Variants in TLN2 observed in about 807,000 individuals in gnomAD.
The protein encoded by TLN2 is talin 2, also known as talin-2.
TLN2 carries 118 observed loss-of-function variants against 294.7 expected under a neutral mutation model. The observed-to-expected ratio is 0.40, with a 90% CI of 0.34 to 0.47. The LOEUF (loss-of-function observed/expected upper bound fraction) is 0.47, where lower values mean the gene tolerates loss of function less well. TLN2 is among the 20% of genes least tolerant of loss of function. The pLI, the probability that TLN2 is intolerant of heterozygous loss-of-function variation, is 0.84. For missense variants in TLN2, 3,083 were observed against 3,282.2 expected (o/e 0.94, Z 1.48); for synonymous variants, 1,431 against 1,304.5 (o/e 1.10, Z -2.09).
At chr15:62,799,059 A>G (rs757101307) in intron 48 of TLN2, among the ~76,000 whole-genome samples, 2 of 152,188 alleles carry the variant, frequency 1.3e-5, no homozygotes, top group Non-Finnish European at 2.9e-5. Flanking sequence ...GTTTATCTTC[A>G]AAGCAATTTA....
At chr15:62,779,747 A>G (rs1164905227) in intron 43 of TLN2, among the ~76,000 whole-genome samples, 2 of 152,248 alleles carry the variant, frequency 1.3e-5, no homozygotes, top group Non-Finnish European at 2.9e-5. Flanking sequence ...TTTGACTAGC[A>G]GGGCCCCCGT....
intron 11 of TLN2, among the ~76,000 whole-genome samples, chr15:62,679,154 A>AC (rs1935494754): frequency 6.6e-6 from 1 of 151,974 alleles, no homozygotes; most frequent in Admixed American, 6.6e-5. Context: ...AAAAATTGGA[A>AC]CCCCCATAAC....
chr15:62,442,568 T>C (rs941565134), intron 1 of TLN2, among the ~76,000 whole-genome samples: 2 of 151,434 alleles, frequency 1.3e-5, no homozygotes, highest in East Asian at 3.9e-4. Context: ...GGAAACTGCT[T>C]GGTTGCTGTG....
chr15:62,763,011 G>A (rs1016989080), intron 39 of TLN2, among the ~76,000 whole-genome samples: 1 of 152,148 alleles, frequency 6.6e-6, no homozygotes, highest in Admixed American at 6.5e-5. Context: ...TAAATACCTC[G>A]CAGCATGAAA....
chr15:62,579,938 G>A (rs1342201884), intron 1 of TLN2, among the ~76,000 whole-genome samples: 2 of 152,188 alleles, frequency 1.3e-5, no homozygotes, highest in Non-Finnish European at 2.9e-5. Context: ...AGCCTTGTGT[G>A]TGCAGCACCT....
chr15:62,817,355 A>G (rs2067195133), intron 52 of TLN2, among the ~76,000 whole-genome samples: 1 of 152,212 alleles, frequency 6.6e-6, no homozygotes, highest in African/African-American at 2.4e-5. Context: ...AGTTCTTAAT[A>G]TCTGCAGAAT....
At chr15:62,477,855 G>T (rs1366502368) in intron 1 of TLN2, among the ~76,000 whole-genome samples, 1 of 137,306 alleles carries the variant, frequency 7.3e-6, no homozygotes, top group Non-Finnish European at 1.6e-5. Flanking sequence ...GCAGCAACTT[G>T]GCCCAAGGGT....
rs544289375 is a variant in TLN2 at position 62,785,930 on chromosome 15, A to G, written c.5736+2040A>G. Among the ~76,000 whole-genome samples, 5 of 152,356 alleles carry G rather than the reference A, an allele frequency of 3.3e-5. No homozygotes were observed. The South Asian group carries it at 1.0e-3, about 32-fold the overall frequency. On this transcript the variant is annotated intron_variant, in intron 45 of 58. Coordinates refer to ENST00000636159, the MANE Select transcript of TLN2 (RefSeq NM_015059.3). The stretch of plus-strand genomic sequence containing the variant: ...AAGAGAATGTGTTGCTAAAAGCACA[A>G]CAACAGGTTACTTTGGTTATTGGCC...
intron 1 of TLN2, among the ~76,000 whole-genome samples, chr15:62,572,392 C>T (rs1386831781): frequency 6.6e-6 from 1 of 152,130 alleles, no homozygotes; most frequent in Non-Finnish European, 1.5e-5. Flanking sequence ...AGCTGTGTGC[C>T]ACCACACCCA....
intron 1 of TLN2, among the ~76,000 whole-genome samples, chr15:62,540,676 G>A (rs1423284905): frequency 6.6e-6 from 1 of 152,114 alleles, no homozygotes; most frequent in Non-Finnish European, 1.5e-5. Context: ...AGTGGTGAGG[G>A]ACTTGAGAGA....
At chr15:62,733,358 A>G (rs571975069) in intron 28 of TLN2, among the ~76,000 whole-genome samples, 1 of 152,294 alleles carries the variant, frequency 6.6e-6, no homozygotes, top group South Asian at 2.1e-4. Context: ...GCAAGGAAAG[A>G]GAGAGCGTGT....
intron 19 of TLN2, among the ~76,000 whole-genome samples, chr15:62,704,008 T>C (rs2058898638): frequency 6.6e-6 from 1 of 152,240 alleles, no homozygotes; most frequent in Admixed American, 6.5e-5. Flanking sequence ...AATATATAAA[T>C]ATATCCTAAT....
chr15:62,512,834 A>G (rs1010850017), intron 1 of TLN2, among the ~76,000 whole-genome samples: 4 of 152,210 alleles, frequency 2.6e-5, no homozygotes, highest in African/African-American at 9.7e-5. Context: ...TGTTTTGGGC[A>G]TCTTCAAGAC....
chr15:62,599,595 A>G (rs1567170179), intron 2 of TLN2, among the ~76,000 whole-genome samples: 2 of 152,212 alleles, frequency 1.3e-5, no homozygotes, highest in Non-Finnish European at 2.9e-5. Flanking sequence ...AGAGAGGGAA[A>G]CATCAGTGAA....
At chr15:62,674,586 C>A (rs928955512) in intron 10 of TLN2, among the ~76,000 whole-genome samples, 12 of 149,034 alleles carry the variant, frequency 8.1e-5, no homozygotes, top group African/African-American at 2.5e-4. Flanking sequence ...CTCCGTACCT[C>A]CCCCCGCCCT....
intron 1 of TLN2, among the ~76,000 whole-genome samples, chr15:62,428,893 G>C (rs1377962738): frequency 1.3e-5 from 2 of 152,124 alleles, no homozygotes; most frequent in African/African-American, 4.8e-5. Flanking sequence ...GATCCTGACT[G>C]ATCTTCAAGA....
chr15:62,679,293 GA>G (rs2056569070), intron 11 of TLN2, among the ~76,000 whole-genome samples: 1 of 152,138 alleles, frequency 6.6e-6, no homozygotes, highest in African/African-American at 2.4e-5. Flanking sequence ...AAAGAAAATT[GA>G]AAGTGTATAT....
At chr15:62,631,699 TTCTCTCCCTCCC>T (rs1222850330) in intron 3 of TLN2, among the ~76,000 whole-genome samples, 18 of 146,668 alleles carry the variant, frequency 1.2e-4, no homozygotes, top group African/African-American at 4.5e-4. Flanking sequence ...CTTTCTTTCT[TTCTCTCCCTCCC>T]TCCCTCCCTC....
At chr15:62,686,169 C>CA (rs1213627148) in intron 11 of TLN2, among the ~76,000 whole-genome samples, 1 of 152,102 alleles carries the variant, frequency 6.6e-6, no homozygotes, top group African/African-American at 2.4e-5. Flanking sequence ...AAATATATTT[C>CA]AGAGATTTAA....
Sources: gnomAD v4.1 joint callset for allele counts (sites outside exome capture counted in the v4.1 genomes callset) on GRCh38, gnomAD v4.1.1 for gene constraint, MANE v1.5 for transcripts, NCBI Gene and HGNC (gene_info 2026-07-23, HGNC 2026-07-21) for gene names.